Variants in CRB1 observed in about 807,000 individuals in gnomAD.
CRB1 encodes the protein protein crumbs homolog 1.
Under a neutral mutation model 120.0 loss-of-function variants are expected in CRB1, and 83 were observed. The observed-to-expected ratio is 0.69, with a 90% confidence interval of 0.58 to 0.83. CRB1 has a LOEUF of 0.83. Ranked by LOEUF, CRB1 falls within the 40% of genes least tolerant of loss-of-function variation. The pLI is 0.00. For missense variants in CRB1, 1,699 were observed against 1,687.6 expected (o/e 1.01, Z -0.12); for synonymous variants, 625 against 612.5 (o/e 1.02, Z -0.30).
intron 8 of CRB1, 139 bp from the exon 9 acceptor site, chr1:197,434,567 C>T: frequency 1.4e-6 from 1 of 732,058 alleles, no homozygotes; most frequent in Non-Finnish European, 2.2e-6. Flanking sequence ...AATATAAAAG[C>T]AACTAGCACA....
chr1:197,210,297 A>G, the CRB1 span, among the ~76,000 whole-genome samples: 1 of 152,216 alleles, frequency 6.6e-6, no homozygotes, highest in African/African-American at 2.4e-5. Flanking sequence ...TATGTGATTA[A>G]CAGGCAAATA....
At chr1:197,458,346 C>A (rs1666375414) in intron 11 of CRB1, among the ~76,000 whole-genome samples, 1 of 152,012 alleles carries the variant, frequency 6.6e-6, no homozygotes. Context: ...CCATTAAGAA[C>A]ACTAAAGCTT....
At chr1:197,247,941 A>G in the CRB1 span, among the ~76,000 whole-genome samples, 1 of 152,054 alleles carries the variant, frequency 6.6e-6, no homozygotes, top group Non-Finnish European at 1.5e-5. Flanking sequence ...AAATCTAGAA[A>G]CATAGATATA....
chr1:197,424,364 C>T (rs1664476137), intron 6 of CRB1, among the ~76,000 whole-genome samples: 1 of 152,148 alleles, frequency 6.6e-6, no homozygotes, highest in Admixed American at 6.5e-5. Flanking sequence ...TCTCAACTTG[C>T]CTGCTGCTTG....
intron 5 of CRB1, among the ~76,000 whole-genome samples, chr1:197,406,912 C>T (rs1663440404): frequency 6.6e-6 from 1 of 152,172 alleles, no homozygotes; most frequent in Non-Finnish European, 1.5e-5. Context: ...TGCTTACTCC[C>T]ATTTCACCAT....
intron 1 of CRB1, among the ~76,000 whole-genome samples, chr1:197,316,346 G>T (rs940400295): frequency 6.6e-6 from 1 of 151,914 alleles, no homozygotes; most frequent in African/African-American, 2.4e-5. Context: ...CACCGAGCCC[G>T]GCTGATTTTT....
At chr1:197,355,827 A>G (rs1052120174) in intron 4 of CRB1, among the ~76,000 whole-genome samples, 34 of 152,180 alleles carry the variant, frequency 2.2e-4, no homozygotes, top group Admixed American at 2.1e-3. Flanking sequence ...CGGCCAGCCC[A>G]TAGAGGGGCT....
At chr1:197,294,805 GA>G (rs912769357) in intron 1 of CRB1, among the ~76,000 whole-genome samples, 24 of 151,992 alleles carry the variant, frequency 1.6e-4, no homozygotes, top group Non-Finnish European at 3.5e-4. Flanking sequence ...CTGTCGCAAG[GA>G]CAAAAAACCA....
intron 1 of CRB1, among the ~76,000 whole-genome samples, chr1:197,287,731 T>C (rs1428749736): frequency 6.6e-6 from 1 of 151,838 alleles, no homozygotes; most frequent in Admixed American, 6.6e-5. Context: ...ACTAGCCAAA[T>C]GATCCACCTG....
chr1:197,240,134 G>T, the CRB1 span, among the ~76,000 whole-genome samples: 6 of 151,952 alleles, frequency 3.9e-5, no homozygotes, highest in African/African-American at 1.4e-4. Flanking sequence ...AAAATCTGTT[G>T]TCTTCACTTG....
intron 3 of CRB1, among the ~76,000 whole-genome samples, chr1:197,346,954 A>C (rs891796379): frequency 6.6e-6 from 1 of 152,188 alleles, no homozygotes; most frequent in Non-Finnish European, 1.5e-5. Flanking sequence ...CCACCTTAAA[A>C]AATATTAACA....
At chr1:197,313,781 A>T (rs542617077) in intron 1 of CRB1, among the ~76,000 whole-genome samples, 1 of 152,142 alleles carries the variant, frequency 6.6e-6, no homozygotes, top group South Asian at 2.1e-4. Context: ...ACAGGATTTC[A>T]TTCTTTTTGT....
At chr1:197,332,434 T>C (rs1196685034) in intron 2 of CRB1, among the ~76,000 whole-genome samples, 1 of 152,230 alleles carries the variant, frequency 6.6e-6, no homozygotes, top group Non-Finnish European at 1.5e-5. Flanking sequence ...CTACATGTTA[T>C]TATTTCACCT....
At chr1:197,218,953 G>T in the CRB1 span, among the ~76,000 whole-genome samples, 9 of 152,294 alleles carry the variant, frequency 5.9e-5, no homozygotes, top group African/African-American at 2.2e-4. Flanking sequence ...AGCAAGCCCA[G>T]TGGAAAGGCT....
At chr1:197,244,697 G>A in the CRB1 span, among the ~76,000 whole-genome samples, 1 of 151,530 alleles carries the variant, frequency 6.6e-6, no homozygotes, top group Non-Finnish European at 1.5e-5. Flanking sequence ...GTAGTTTTAT[G>A]TCTTTTTCCA....
At chr1:197,237,342 A>G in the CRB1 span, among the ~76,000 whole-genome samples, 6 of 152,228 alleles carry the variant, frequency 3.9e-5, no homozygotes, top group Admixed American at 1.3e-4. Flanking sequence ...TCAAGGCACC[A>G]GCAAATCTGA....
At position 197,347,415 on chromosome 1, in the gene CRB1, A is replaced by C. The variant is rs1424675397; in HGVS notation, c.924A>C (p.Lys308Asn). ...CETLMPLCWS[K>N]PCHNNATCED... Reference sequence around the variant, plus strand: ...CCTTGATGCCTCTTTGTTGGTCAAAACCTTGTCACAATAATGCTACATGTG... The same window carrying C: ...CCTTGATGCCTCTTTGTTGGTCAAACCCTTGTCACAATAATGCTACATGTG... The change falls in exon 4 of 12, where the codon AAA becomes AAC. Residue 308 changes from lysine to asparagine, a missense_variant. By Grantham distance (94) the Lys-to-Asn change is moderately conservative (BLOSUM62 0). Transcript: ENST00000367400. 6.2e-7 allele frequency: 1 copy of C among 1,613,958 alleles called. No homozygotes were observed. The highest frequency in any genetic ancestry group is 8.5e-7 in the Non-Finnish European group (1 of 1,179,974).
chr1:197,301,071 G>A (rs1411657671), intron 1 of CRB1, among the ~76,000 whole-genome samples: 1 of 151,420 alleles, frequency 6.6e-6, no homozygotes, highest in Non-Finnish European at 1.5e-5. Flanking sequence ...CATTGACAAT[G>A]CCCCTAGTCA....
chr1:197,286,790 T>C (rs1329221984), intron 1 of CRB1, among the ~76,000 whole-genome samples: 2 of 151,962 alleles, frequency 1.3e-5, no homozygotes, highest in Non-Finnish European at 2.9e-5. Context: ...TTTTGCATTA[T>C]AATTTCATAA....
Sources: allele counts gnomAD v4.1 joint callset (sites outside exome capture counted in the v4.1 genomes callset), GRCh38; gene constraint gnomAD v4.1.1; transcripts MANE v1.5; gene names NCBI Gene and HGNC (gene_info 2026-07-23, HGNC 2026-07-21).